SLC7A10: variants seen among roughly 807,000 people sequenced by gnomAD.
SLC7A10 encodes the protein solute carrier family 7 member 10, also known as asc-type amino acid transporter 1.
In SLC7A10, 30 loss-of-function variants were observed where a neutral mutation model predicts 52.7. The ratio of observed to expected loss-of-function variants is 0.57; its 90% CI spans 0.43 to 0.77. The LOEUF is 0.77. Ranked by LOEUF, SLC7A10 falls within the 30% of genes least tolerant of loss-of-function variation. SLC7A10 has a pLI of 0.00. For synonymous variants in SLC7A10, 318 were observed against 314.9 expected (o/e 1.01, Z -0.10); for missense variants, 581 against 698.5 (o/e 0.83, Z 1.90).
Position 33,214,611 on chromosome 19 carries a change from G to A in SLC7A10, c.356+1158C>T, listed in dbSNP as rs1418068998. 2.0e-5 allele frequency among the ~76,000 whole-genome samples: 3 copies of A among 152,198 alleles called. No individual in the cohort carries two copies. The East Asian group carries it at 5.8e-4, about 29-fold the overall frequency. ...CAGCAGACTCCCTGCGCTCACCTGGGCCACCACACCCTCTGTTCACACTTC... is the reference window on the plus strand; with the variant it reads ...CAGCAGACTCCCTGCGCTCACCTGGACCACCACACCCTCTGTTCACACTTC... On this transcript the variant is annotated intron_variant, in intron 2 of 10. Transcript: ENST00000253188.
intron 9 of SLC7A10, 29 bp from the exon 10 acceptor site, chr19:33,209,514 G>T: frequency 6.2e-7 from 1 of 1,611,812 alleles, no homozygotes; most frequent in South Asian, 1.1e-5. Context: ...AAACACCGAT[G>T]GTGCAGGGCC....
At chr19:33,215,315 A>G (rs971123362) in intron 2 of SLC7A10, among the ~76,000 whole-genome samples, 1 of 151,652 alleles carries the variant, frequency 6.6e-6, no homozygotes, top group Non-Finnish European at 1.5e-5. Context: ...TATGGTAAGA[A>G]TATCACACTT....
At chr19:33,222,529 T>C (rs1201220008) in intron 1 of SLC7A10, among the ~76,000 whole-genome samples, 2 of 151,860 alleles carry the variant, frequency 1.3e-5, no homozygotes, top group Admixed American at 6.6e-5. Flanking sequence ...AGCCCAAATC[T>C]GGTTCCAAAT....
chr19:33,216,758 T>G (rs947694262), intron 1 of SLC7A10, among the ~76,000 whole-genome samples: 14 of 152,182 alleles, frequency 9.2e-5, no homozygotes, highest in African/African-American at 3.1e-4. Context: ...TTGTACTTTT[T>G]TAGTAGAGAT....
At chr19:33,212,747 A>G (rs1047867918) in intron 3 of SLC7A10, 104 bp downstream of exon 3, 51 of 1,606,258 alleles carry the variant, frequency 3.2e-5, no homozygotes, top group Non-Finnish European at 3.7e-5. Flanking sequence ...TAGCAGCTGG[A>G]ATTTTCTGAA....
rs1974473549 is a variant in SLC7A10 at position 33,208,987 on chromosome 19, G to A, written c.1476C>T (p.Phe492=). The change falls in exon 11 of 11, where the codon TTC becomes TTT. Residue 492 remains phenylalanine (F), a synonymous_variant. Coordinates refer to ENST00000253188, the MANE Select transcript of SLC7A10 (RefSeq NM_019849.3). The surrounding 1 kb of genome is among the most constrained non-coding windows in gnomAD (Gnocchi z 4.7). ...SMTHWGQELC[F]VVYPQDAPEE... is the part of the protein sequence containing the mutation. ...CGGGGGCGTCCTGGGGGTAGACCACGAAACACAGCTCCTGGCCCCAGTGTG... is the reference window on the plus strand; with the variant it reads ...CGGGGGCGTCCTGGGGGTAGACCACAAAACACAGCTCCTGGCCCCAGTGTG... 1.9e-6 allele frequency: 3 copies of A among 1,613,852 alleles called. No homozygotes were observed. Among genetic ancestry groups the A allele is most frequent in the Non-Finnish European group, 2.5e-6 (3 of 1,180,018 alleles).
At position 33,212,813 on chromosome 19, in the gene SLC7A10, G is replaced by A. The variant is rs759401368; in HGVS notation, c.508+38C>T. 2.5e-6 allele frequency: 4 copies of A among 1,610,102 alleles called. No homozygotes were observed. In the African/African-American group the frequency reaches 4.0e-5, roughly 16 times the overall value. ...AGGGCAGGATGGAGCCCGGGCAGGT[G>A]GCTGATCTGGGGACAGTGGGCCAAA... On this transcript the variant is annotated intron_variant, in intron 3 of 10. Transcript: ENST00000253188.
Position 33,211,424 on chromosome 19 carries a change from G to C in SLC7A10, c.902C>G (p.Ala301Gly). ...CAGGGGCCCACTCACCACAGCCACC[G>C]CATTGGAGGAGAGCAGCTCCTGGGG... The part of the protein sequence containing the change: ...MSPQELLSSN[A>G]VAVTFGEKLL... The change falls in exon 6 of 11, where the codon GCG becomes GGG. Residue 301 changes from alanine (A) to glycine (G), a missense_variant. Ala to Gly is a moderately conservative substitution (Grantham distance 60). Transcript: ENST00000253188. 6.2e-7 allele frequency: 1 copy of C among 1,613,946 alleles called. No homozygotes were observed. The highest frequency in any genetic ancestry group is 8.5e-7 in the Non-Finnish European group (1 of 1,179,954).
In SLC7A10 at chr19:33,214,913, C is replaced by G. The variant is rs114876592; in HGVS notation, c.356+856G>C. ...CACTGCCTCCCCACCCCCAGGCTCA[C>G]GGTAGGTGCTCAGCAAATATTCCCT... is the stretch of plus-strand genomic sequence containing the variant. On this transcript the variant is annotated intron_variant, in intron 2 of 10. Coordinates refer to ENST00000253188, the MANE Select transcript of SLC7A10 (RefSeq NM_019849.3). Among the ~76,000 whole-genome samples the G allele has an allele frequency of 7.0e-3, 1,070 of 152,246 alleles. 11 individuals are homozygous for G. Among genetic ancestry groups the G allele is most frequent in the African/African-American group, 0.025 (1,021 of 41,542 alleles).
At chr19:33,220,372 A>C (rs1325004906) in intron 1 of SLC7A10, 1 of 152,140 alleles carries the variant, frequency 6.6e-6, no homozygotes, top group Non-Finnish European at 1.5e-5. Flanking sequence ...GGTGAGTTCC[A>C]CGTTGCCAAA....
chr19:33,210,790 C>A lies in SLC7A10; in HGVS notation c.1113+12G>T, dbSNP rs758487311. On this transcript the variant is annotated intron_variant, in intron 8 of 10. Transcript: ENST00000253188. This position sits in a 1 kb window ranked among gnomAD's most constrained non-coding sequence, Gnocchi z 5.6. ...CCTCCACGCCCTGCCTGGCCCAGGT[C>A]CCCCAACTTACACAGACGAGGAGGG... 4.3e-5 allele frequency: 70 copies of A among 1,613,128 alleles called. No homozygotes were observed. The highest frequency in any genetic ancestry group is 5.6e-5 in the Non-Finnish European group (66 of 1,179,782).
chr19:33,211,275 C>T lies in SLC7A10; in HGVS notation c.966G>A (p.Val322=). The change falls in exon 7 of 11, where the codon GTG becomes GTA. Residue 322 remains valine, a synonymous_variant. Coordinates refer to ENST00000253188, the MANE Select transcript of SLC7A10 (RefSeq NM_019849.3). ...TGATCCCTCCGAAGGTTGACAGAGC[C>T]ACGGAGACAGGCATGACCCAAGAAA... The part of the protein sequence containing the change: ...GYFSWVMPVS[V]ALSTFGGING... The T allele has an allele frequency of 6.2e-7, 1 of 1,614,008 alleles. No individual in the cohort carries two copies. Among genetic ancestry groups the T allele is most frequent in the Non-Finnish European group, 8.5e-7 (1 of 1,180,038 alleles).
chr19:33,222,398 TAATAA>T (rs1034071824), intron 1 of SLC7A10, among the ~76,000 whole-genome samples: 6 of 142,006 alleles, frequency 4.2e-5, no homozygotes, highest in Non-Finnish European at 7.6e-5. Flanking sequence ...GAGTTTGTTT[TAATAA>T]AATAAAATAT....
rs182842874 is a variant in SLC7A10 at position 33,210,301 on chromosome 19, G to A, written c.1263+166C>T. On this transcript the variant is annotated intron_variant, in intron 9 of 10. Transcript: ENST00000253188. The surrounding 1 kb of genome is among the most constrained non-coding windows in gnomAD (Gnocchi z 5.6). The stretch of plus-strand genomic sequence containing the variant: ...GAGCATTCAAAGCTCTGTCCTCATG[G>A]GGCTGCTATGAGGAATGGCTGCCTC... Among the ~76,000 whole-genome samples the A allele has an allele frequency of 3.3e-5, 5 of 152,236 alleles. No individual in the cohort carries two copies. The highest frequency in any genetic ancestry group is 2.6e-4 in the Admixed American group (4 of 15,284).
intron 1 of SLC7A10, among the ~76,000 whole-genome samples, chr19:33,217,604 C>T (rs896351726): frequency 6.6e-6 from 1 of 152,232 alleles, no homozygotes; most frequent in Non-Finnish European, 1.5e-5. Context: ...GTTCTCTATG[C>T]AATGGCCACA....
chr19:33,211,631 T>G, intron 5 of SLC7A10, 94 bp from the exon 6 acceptor site: 7 of 1,601,560 alleles, frequency 4.4e-6, no homozygotes, highest in South Asian at 3.3e-5. Flanking sequence ...TCTCCATCTC[T>G]TGTGTCTGCT....
At position 33,208,904 on chromosome 19, in the gene SLC7A10, G is replaced by A. The variant is rs1310144712; in HGVS notation, c.1559C>T (p.Ser520Leu). The A allele has an allele frequency of 6.8e-6, 11 of 1,613,586 alleles. No homozygotes were observed. Among genetic ancestry groups the A allele is most frequent in the East Asian group, 2.2e-5 (1 of 44,860 alleles). ...TCTACAAAAATCTCATTGTGGCTTC[G>A]AGGGCTTGTCTGTGGCAGGCAGCAG... ...PSLLPATDKP[S>L]KPQ Residue 520 changes from serine (S) to leucine (L), a missense_variant, in exon 11 of 11, where the codon TCG (serine) becomes TTG (leucine). Coordinates refer to ENST00000253188, the MANE Select transcript of SLC7A10 (RefSeq NM_019849.3). The surrounding 1 kb of genome is among the most constrained non-coding windows in gnomAD (Gnocchi z 4.7).
intron 1 of SLC7A10, among the ~76,000 whole-genome samples, chr19:33,222,424 ATAAAATAAAATAAAATAAAAT>A (rs1974828642): frequency 3.5e-5 from 1 of 28,338 alleles, no homozygotes; most frequent in Non-Finnish European, 1.6e-4. Flanking sequence ...AAAATAAAAT[ATAAAATAAAATAAAATAAAAT>A]AAATAAAATA....
In SLC7A10 at chr19:33,225,820, G is replaced by A. The variant is rs1270715164; in HGVS notation, c.-117C>T. ...CGCAGCCGGGACAGCGCCCACAGGC[G>A]GGCGCATGCGCTGGCTCCGGGCCCG... On this transcript the variant is annotated 5_prime_UTR_variant, in exon 1 of 11. Transcript: ENST00000253188. 7.5e-6 allele frequency: 9 copies of A among 1,195,288 alleles called. No individual in the cohort carries two copies. Among genetic ancestry groups the A allele is most frequent in the Non-Finnish European group, 7.4e-6 (7 of 942,430 alleles). The allele number at this position is 1,195,288 out of a possible 1,614,324, so 74.0% of individuals were successfully genotyped here.
Sources: allele counts gnomAD v4.1 joint callset (sites outside exome capture counted in the v4.1 genomes callset), GRCh38; gene constraint gnomAD v4.1.1; non-coding constraint Gnocchi (gnomAD v3.1); transcripts MANE v1.5; gene names NCBI Gene and HGNC (gene_info 2026-07-23, HGNC 2026-07-21).